NFYC: variants seen among roughly 807,000 people sequenced by gnomAD.
NFYC encodes CAAT box DNA-binding protein subunit C.
In NFYC, 25 loss-of-function variants were observed where a neutral mutation model predicts 53.1. The ratio of observed to expected loss-of-function variants is 0.47; its 90% CI spans 0.34 to 0.66. NFYC has a LOEUF of 0.66. NFYC is among the 30% of genes least tolerant of loss of function. The pLI, the probability that NFYC is intolerant of heterozygous loss-of-function variation, is 0.01. For synonymous variants in NFYC, 145 were observed against 152.6 expected (o/e 0.95, Z 0.37); for missense variants, 260 against 422.7 (o/e 0.62, Z 3.38).
At chr1:40,727,594 G>GA (rs1022744797) in intron 1 of NFYC, among the ~76,000 whole-genome samples, 3 of 149,810 alleles carry the variant, frequency 2.0e-5, no homozygotes, top group African/African-American at 7.4e-5. Context: ...GCAGTGGCAC[G>GA]ATTTCGGCTC....
chr1:40,709,181 A>T (rs1224402515), intron 1 of NFYC, among the ~76,000 whole-genome samples: 1 of 152,182 alleles, frequency 6.6e-6, no homozygotes, highest in Non-Finnish European at 1.5e-5. Context: ...TTCTCAAGGT[A>T]ACTTTAAAAC....
intron 8 of NFYC, chr1:40,766,904 A>C: frequency 6.4e-7 from 1 of 1,552,096 alleles, no homozygotes; most frequent in Non-Finnish European, 8.7e-7. Flanking sequence ...TTCTCTTACC[A>C]TCTTGTTCTC....
At chr1:40,731,157 G>A (rs1644751417) in intron 1 of NFYC, among the ~76,000 whole-genome samples, 1 of 152,044 alleles carries the variant, frequency 6.6e-6, no homozygotes, top group Non-Finnish European at 1.5e-5. Context: ...ACCCTGAACT[G>A]GAATAATTGG....
chr1:40,747,046 T>C (rs956153338), intron 2 of NFYC, among the ~76,000 whole-genome samples: 1 of 152,194 alleles, frequency 6.6e-6, no homozygotes, highest in African/African-American at 2.4e-5. Flanking sequence ...CCACTATCAG[T>C]TGTAAAGAAC....
At chr1:40,727,584 G>A (rs1050755229) in intron 1 of NFYC, among the ~76,000 whole-genome samples, 3 of 149,388 alleles carry the variant, frequency 2.0e-5, no homozygotes, top group African/African-American at 7.4e-5. Context: ...AGGCTGGAGT[G>A]CAGTGGCACG....
chr1:40,696,054 G>A (rs1164016883), intron 1 of NFYC, among the ~76,000 whole-genome samples: 1 of 132,466 alleles, frequency 7.5e-6, no homozygotes, highest in Non-Finnish European at 1.6e-5. Flanking sequence ...ATAGAGTCTC[G>A]CACTGTTTCC....
rs1404963422 is a variant in NFYC, at chr1:40,712,688, C to T, written c.-9+20821C>T. 2.1e-4 allele frequency: 19 copies of T among 89,232 alleles called. No homozygotes were observed. The Admixed American group carries it at 3.0e-3, about 14-fold the overall frequency. 5.5% of individuals were successfully genotyped at this position (89,232 alleles called of 1,614,324 possible). A position where few individuals can be genotyped will look rare whatever the true frequency, so the allele number is the denominator to read the frequency against. ...TTTTTTTTTTTTTTTTTTTTGCAGA[C>T]GAGGTCTCGCTCTGTTGCCAAGGCT... is the stretch of plus-strand genomic sequence containing the variant. On this transcript the variant is annotated intron_variant, in intron 1 of 9. Coordinates refer to ENST00000447388, the MANE Select transcript of NFYC (RefSeq NM_014223.5).
At chr1:40,762,832 A>G (rs1646618557) in intron 6 of NFYC, 56 bp from the exon 7 acceptor site, 3 of 1,445,252 alleles carry the variant, frequency 2.1e-6, no homozygotes, top group Non-Finnish European at 2.8e-6. Context: ...CCTCTCGGTA[A>G]TCCTGTGGGC....
chr1:40,719,678 G>A (rs548237689), intron 1 of NFYC, among the ~76,000 whole-genome samples: 4 of 152,290 alleles, frequency 2.6e-5, no homozygotes, highest in Admixed American at 6.5e-5. Flanking sequence ...TCAGGAAAAC[G>A]AAAGGTAAAA....
chr1:40,757,431 C>T (rs1368613565), intron 5 of NFYC: 1 of 502,916 alleles, frequency 2.0e-6, no homozygotes, highest in Admixed American at 2.1e-5. Flanking sequence ...ATGCGACCTC[C>T]CTAATCAGCC....
chr1:40,710,903 G>A (rs1263703772), intron 1 of NFYC, among the ~76,000 whole-genome samples: 1 of 152,102 alleles, frequency 6.6e-6, no homozygotes, highest in Non-Finnish European at 1.5e-5. Flanking sequence ...ATACAGATTT[G>A]GACTGAAAAG....
chr1:40,770,419 G>A lies in NFYC; in HGVS notation c.889-290G>A, dbSNP rs957012309. 27 of 1,548,588 alleles carry A rather than the reference G, an allele frequency of 1.7e-5. No homozygotes were observed. The highest frequency in any genetic ancestry group is 2.4e-5 in the East Asian group (1 of 40,874). ...CAGAGGAACAGCGTGCAGCAAGCTCGAGTCTCTGAGCTAACGGGAGAGGCA... is the reference window on the plus strand; with the variant it reads ...CAGAGGAACAGCGTGCAGCAAGCTCAAGTCTCTGAGCTAACGGGAGAGGCA... On this transcript the variant is annotated intron_variant, in intron 9 of 9. Transcript: ENST00000447388. This position sits in a 1 kb window ranked among gnomAD's most constrained non-coding sequence, Gnocchi z 5.3.
chr1:40,722,826 A>G (rs1338315624), intron 1 of NFYC, among the ~76,000 whole-genome samples: 4 of 152,180 alleles, frequency 2.6e-5, no homozygotes, highest in Non-Finnish European at 5.9e-5. Context: ...TAGTGCCCCC[A>G]ACTGTTCGCA....
At position 40,701,456 on chromosome 1, in the gene NFYC, A is replaced by G. The variant is rs140476741; in HGVS notation, c.-9+9589A>G. ...CTTCTGGGCTGCTGCTATACCAAACAGGAATGTAATACTTTCTGTCAGCTT... is the reference window on the plus strand; with the variant it reads ...CTTCTGGGCTGCTGCTATACCAAACGGGAATGTAATACTTTCTGTCAGCTT... On this transcript the variant is annotated intron_variant, in intron 1 of 9. Transcript: ENST00000447388. Among the ~76,000 whole-genome samples the G allele has an allele frequency of 2.1e-3, 317 of 152,334 alleles. 2 individuals carry two copies. The highest frequency in any genetic ancestry group is 7.1e-3 in the African/African-American group (297 of 41,580).
chr1:40,747,697 C>A (rs1645684201), intron 3 of NFYC, 92 bp downstream of exon 3: 1 of 806,408 alleles, frequency 1.2e-6, no homozygotes, highest in South Asian at 1.7e-5. Context: ...TTTAATTAAA[C>A]AAGAACACAC....
At chr1:40,734,292 T>A (rs2148570389) in intron 1 of NFYC, among the ~76,000 whole-genome samples, 1 of 152,326 alleles carries the variant, frequency 6.6e-6, no homozygotes, top group South Asian at 2.1e-4. Context: ...GCAAAATCAA[T>A]TTATTTGCAA....
At chr1:40,695,131 C>A (rs534985805) in intron 1 of NFYC, among the ~76,000 whole-genome samples, 1 of 151,942 alleles carries the variant, frequency 6.6e-6, no homozygotes, top group African/African-American at 2.4e-5. Context: ...CCCAGCTACT[C>A]GGAAGACTGA....
intron 1 of NFYC, among the ~76,000 whole-genome samples, chr1:40,736,538 C>T (rs1040825152): frequency 2.0e-5 from 3 of 152,170 alleles, no homozygotes; most frequent in Non-Finnish European, 4.4e-5. Flanking sequence ...AGCATCCCGT[C>T]ACTGGCACGT....
At chr1:40,716,423 A>C (rs1644138457) in intron 1 of NFYC, among the ~76,000 whole-genome samples, 1 of 152,208 alleles carries the variant, frequency 6.6e-6, no homozygotes, top group Non-Finnish European at 1.5e-5. Context: ...TCAACTGCTT[A>C]GAGCATAAGG....
Sources: gnomAD v4.1 joint callset for allele counts (sites outside exome capture counted in the v4.1 genomes callset) on GRCh38, gnomAD v4.1.1 for gene constraint, Gnocchi (gnomAD v3.1) non-coding constraint, MANE v1.5 for transcripts, NCBI Gene and HGNC (gene_info 2026-07-23, HGNC 2026-07-21) for gene names.